Variants in NRXN1 observed in about 807,000 individuals in gnomAD.
NRXN1 encodes neurexin-1.
NRXN1 carries 39 observed loss-of-function variants against 150.9 expected under a neutral mutation model. The ratio of observed to expected loss-of-function variants is 0.26; its 90% CI spans 0.20 to 0.34. The LOEUF is 0.34. NRXN1 is among the 10% of genes least tolerant of loss of function. The pLI, the probability that NRXN1 is intolerant of heterozygous loss-of-function variation, is 1.00. For missense variants in NRXN1, 1,815 were observed against 1,949.9 expected, an observed-to-expected ratio of 0.93 and a Z score of 1.30; for synonymous variants, 924 against 757.0, an observed-to-expected ratio of 1.22 and a Z score of -3.62.
At chr2:50,574,524 G>A (rs763603300) in intron 8 of NRXN1, among the ~76,000 whole-genome samples, 5 of 152,076 alleles carry the variant, frequency 3.3e-5, no homozygotes, top group African/African-American at 7.2e-5. Flanking sequence ...AAACAGAAGA[G>A]GTGAGATGCA....
At chr2:49,996,525 C>A (rs1323628996) in intron 21 of NRXN1, among the ~76,000 whole-genome samples, 1 of 152,104 alleles carries the variant, frequency 6.6e-6, no homozygotes, top group Non-Finnish European at 1.5e-5. Flanking sequence ...AATTAAGACT[C>A]TTGAGTTGGA....
At chr2:50,462,266 G>C (rs1182101381) in intron 17 of NRXN1, among the ~76,000 whole-genome samples, 11 of 151,666 alleles carry the variant, frequency 7.3e-5, no homozygotes, top group African/African-American at 2.4e-4. Context: ...ACTAAACATA[G>C]GTAACTATAA....
chr2:50,197,752 T>A (rs1348173306), intron 18 of NRXN1, among the ~76,000 whole-genome samples: 1 of 152,104 alleles, frequency 6.6e-6, no homozygotes, highest in Non-Finnish European at 1.5e-5. Flanking sequence ...GACACAATTC[T>A]CCTCTGAGAT....
chr2:50,544,271 A>C (rs2093447530), intron 9 of NRXN1, among the ~76,000 whole-genome samples: 1 of 151,970 alleles, frequency 6.6e-6, no homozygotes, highest in African/African-American at 2.4e-5. Context: ...ATAGGGTATA[A>C]TGTAAAATGT....
At chr2:50,599,917 G>A (rs1675963335) in intron 8 of NRXN1, among the ~76,000 whole-genome samples, 1 of 152,094 alleles carries the variant, frequency 6.6e-6, no homozygotes, top group Admixed American at 6.6e-5. Flanking sequence ...CCTAATTGAA[G>A]GAAAGCAGAA....
At chr2:49,948,980 T>TAAGC (rs1673451741) in intron 21 of NRXN1, among the ~76,000 whole-genome samples, 1 of 152,054 alleles carries the variant, frequency 6.6e-6, no homozygotes, top group African/African-American at 2.4e-5. Context: ...ATGCACATCG[T>TAAGC]AAGCATCTCT....
intron 19 of NRXN1, among the ~76,000 whole-genome samples, chr2:50,055,811 C>G (rs1397814831): frequency 6.7e-6 from 1 of 148,278 alleles, no homozygotes; most frequent in African/African-American, 2.6e-5. Flanking sequence ...AGTCAAATAT[C>G]TGCTTTTTAT....
At chr2:49,923,572 C>A (rs377761857) in intron 22 of NRXN1, among the ~76,000 whole-genome samples, 1 of 152,064 alleles carries the variant, frequency 6.6e-6, no homozygotes, top group Non-Finnish European at 1.5e-5. Context: ...GCTTTTATTT[C>A]GCTACTACTA....
chr2:50,198,365 T>C (rs2061910959), intron 18 of NRXN1, among the ~76,000 whole-genome samples: 1 of 152,116 alleles, frequency 6.6e-6, no homozygotes, highest in South Asian at 2.1e-4. Context: ...CAGCTAGCCA[T>C]GATCCCATGT....
intron 5 of NRXN1, among the ~76,000 whole-genome samples, chr2:50,729,080 A>G (rs753450331): frequency 4.3e-4 from 66 of 152,182 alleles, no homozygotes; most frequent in South Asian, 4.1e-4. Context: ...ATAAAGCATT[A>G]TGATCCCTCT....
At chr2:50,530,378 T>C (rs2093066701) in intron 11 of NRXN1, among the ~76,000 whole-genome samples, 1 of 152,200 alleles carries the variant, frequency 6.6e-6, no homozygotes, top group Non-Finnish European at 1.5e-5. Context: ...ATCCAACCAT[T>C]AAAATCAGCC....
At chr2:50,793,455 G>C (rs1035735600) in intron 5 of NRXN1, among the ~76,000 whole-genome samples, 2 of 151,956 alleles carry the variant, frequency 1.3e-5, no homozygotes, top group African/African-American at 2.4e-5. Flanking sequence ...GTAACGTTCC[G>C]CTTAACCTTC....
chr2:50,397,832 T>C lies in NRXN1; in HGVS notation c.3364+67610A>G, dbSNP rs567214506. Among the ~76,000 whole-genome samples, 15 of 152,274 alleles carry C rather than the reference T, an allele frequency of 9.9e-5. No individual in the cohort carries two copies. In the South Asian group the frequency reaches 2.9e-3, roughly 29 times the overall value. On this transcript the variant is annotated intron_variant, in intron 17 of 22. Coordinates refer to ENST00000401669, the MANE Select transcript of NRXN1 (RefSeq NM_001330078.2). ...GTTATTGACTCTTTTTCCTTTATAG[T>C]AACAGAATTATTTCTGTATGAAAGG... is the stretch of plus-strand genomic sequence containing the variant.
intron 22 of NRXN1, among the ~76,000 whole-genome samples, chr2:49,928,016 G>A (rs936110609): frequency 6.6e-6 from 1 of 151,844 alleles, no homozygotes; most frequent in African/African-American, 2.4e-5. Flanking sequence ...GATAAAGTAA[G>A]AGTATCATTA....
At chr2:50,506,734 G>A (rs2092244664) in intron 12 of NRXN1, 117 bp from the exon 13 acceptor site, 3 of 960,670 alleles carry the variant, frequency 3.1e-6, no homozygotes, top group South Asian at 4.0e-5. Flanking sequence ...AGGAGAGAAA[G>A]AAGAAAGGAA....
chr2:50,470,449 T>C (rs1274429167), intron 16 of NRXN1, among the ~76,000 whole-genome samples: 2 of 151,866 alleles, frequency 1.3e-5, no homozygotes, highest in African/African-American at 4.8e-5. Flanking sequence ...CCTTATCCTC[T>C]AGTATTACTG....
In NRXN1 at chr2:49,990,571, C is replaced by CA. The variant is rs1240635743; in HGVS notation, c.4129-46781_4129-46780insT. Among the ~76,000 whole-genome samples, 3 of 152,172 alleles carry CA rather than the reference C, an allele frequency of 2.0e-5. No homozygotes were observed. In the East Asian group the frequency reaches 5.8e-4, roughly 29 times the overall value. ...TTAGGCAAGAGATAATAGTGGCTTG[C>CA]CACAGGTATTGGTGGTGGAGAAGGC... is the stretch of plus-strand genomic sequence containing the variant. On this transcript the variant is annotated intron_variant, in intron 21 of 22. Coordinates refer to ENST00000401669, the MANE Select transcript of NRXN1 (RefSeq NM_001330078.2).
chr2:50,594,321 G>C (rs1674799051), intron 8 of NRXN1, among the ~76,000 whole-genome samples: 1 of 152,142 alleles, frequency 6.6e-6, no homozygotes, highest in Non-Finnish European at 1.5e-5. Context: ...TGGTAGTGAG[G>C]TATATCAGTC....
At chr2:50,728,636 T>G (rs1043424765) in intron 5 of NRXN1, among the ~76,000 whole-genome samples, 1 of 152,208 alleles carries the variant, frequency 6.6e-6, no homozygotes, top group African/African-American at 2.4e-5. Flanking sequence ...AAAGGCTGGC[T>G]ATCACCTAGT....
Sources: allele counts gnomAD v4.1 joint callset (sites outside exome capture counted in the v4.1 genomes callset), GRCh38; gene constraint gnomAD v4.1.1; transcripts MANE v1.5; gene names NCBI Gene and HGNC (gene_info 2026-07-23, HGNC 2026-07-21).